Variants in DTNB observed in about 807,000 individuals in gnomAD.
DTNB encodes the protein dystrobrevin beta.
In DTNB, 63 loss-of-function variants were observed where a neutral mutation model predicts 90.7. That is an observed-to-expected ratio of 0.69 (90% CI 0.57 to 0.86). The LOEUF (loss-of-function observed/expected upper bound fraction) is 0.86, where lower values mean the gene tolerates loss of function less well. Ranked by LOEUF, DTNB falls within the 40% of genes least tolerant of loss-of-function variation. The pLI, the probability that DTNB is intolerant of heterozygous loss-of-function variation, is 0.00. For synonymous variants in DTNB, 277 were observed against 286.7 expected, an observed-to-expected ratio of 0.97 and a Z score of 0.34; for missense variants, 744 against 807.1, an observed-to-expected ratio of 0.92 and a Z score of 0.95.
intron 9 of DTNB, among the ~76,000 whole-genome samples, chr2:25,514,720 G>C (rs2074704575): frequency 9.2e-6 from 1 of 109,026 alleles, no homozygotes; most frequent in Admixed American, 1.3e-4. Context: ...ACAGAGTCTT[G>C]CTCTGTCACC....
At chr2:25,619,796 CTT>C (rs1393202767) in intron 4 of DTNB, among the ~76,000 whole-genome samples, 1 of 152,158 alleles carries the variant, frequency 6.6e-6, no homozygotes, top group Non-Finnish European at 1.5e-5. Flanking sequence ...AATCCTAGCA[CTT>C]TGAGAGGCCG....
chr2:25,419,831 C>T (rs1317574656), intron 15 of DTNB, among the ~76,000 whole-genome samples: 1 of 152,168 alleles, frequency 6.6e-6, no homozygotes, highest in East Asian at 1.9e-4. Context: ...GCCTAGAGGG[C>T]CTGACCTGCC....
At position 25,616,388 on chromosome 2, in the gene DTNB, TACA is replaced by T. The variant is rs202131977; in HGVS notation, c.363-9070_363-9068del. On this transcript the variant is annotated intron_variant, in intron 4 of 20. Transcript: ENST00000406818. ...AATGTTTTTAGAAACACTAATATTT[TACA>T]ACACTTTGCATCCTTATTCAAAATA... Among the ~76,000 whole-genome samples the T allele has an allele frequency of 6.8e-3, 1,037 of 152,296 alleles. 5 individuals are homozygous for T. Among genetic ancestry groups the T allele is most frequent in the Admixed American group, 0.012 (181 of 15,296 alleles).
At chr2:25,672,120 C>G (rs2086068194) in intron 1 of DTNB, among the ~76,000 whole-genome samples, 1 of 143,744 alleles carries the variant, frequency 7.0e-6, no homozygotes. Flanking sequence ...AAAGTGGTAG[C>G]ATGGCCACAG....
intron 12 of DTNB, among the ~76,000 whole-genome samples, chr2:25,446,589 A>T (rs1417800648): frequency 6.6e-6 from 1 of 151,930 alleles, no homozygotes; most frequent in Non-Finnish European, 1.5e-5. Context: ...TTCCTTTATA[A>T]ATTGTTGTAT....
At chr2:25,536,678 C>T (rs1468187489) in intron 8 of DTNB, among the ~76,000 whole-genome samples, 1 of 152,120 alleles carries the variant, frequency 6.6e-6, no homozygotes, top group South Asian at 2.1e-4. Flanking sequence ...GTCCAGGCTC[C>T]GCAAGAGAGG....
At chr2:25,380,969 A>T (rs540839697) in intron 19 of DTNB, among the ~76,000 whole-genome samples, 40 of 152,378 alleles carry the variant, frequency 2.6e-4, no homozygotes, top group African/African-American at 8.2e-4. Context: ...GCCCACACTC[A>T]GACTCGAACC....
intron 4 of DTNB, among the ~76,000 whole-genome samples, chr2:25,621,034 A>G (rs1409076434): frequency 6.6e-6 from 1 of 152,132 alleles, no homozygotes; most frequent in Non-Finnish European, 1.5e-5. Context: ...CTCTTAAAAA[A>G]AAGAAAATTT....
intron 8 of DTNB, among the ~76,000 whole-genome samples, chr2:25,539,027 T>G (rs1326978186): frequency 6.6e-6 from 1 of 152,224 alleles, no homozygotes; most frequent in Non-Finnish European, 1.5e-5. Context: ...GCGACTTGCT[T>G]CTTTCACTCA....
intron 9 of DTNB, among the ~76,000 whole-genome samples, chr2:25,496,242 A>AT (rs1205878358): frequency 6.6e-6 from 1 of 152,302 alleles, no homozygotes; most frequent in Non-Finnish European, 1.5e-5. Context: ...ACAGAAATGT[A>AT]TTTTTTTATT....
chr2:25,608,400 T>A (rs1216258779), intron 4 of DTNB, among the ~76,000 whole-genome samples: 1 of 152,210 alleles, frequency 6.6e-6, no homozygotes, highest in African/African-American at 2.4e-5. Flanking sequence ...TCAATATTTG[T>A]TACAGTTGAG....
At chr2:25,403,255 A>C (rs935710004) in intron 16 of DTNB, among the ~76,000 whole-genome samples, 2 of 152,138 alleles carry the variant, frequency 1.3e-5, no homozygotes, top group Non-Finnish European at 2.9e-5. Flanking sequence ...AGCTGGGATT[A>C]CGGGCGCCCG....
intron 8 of DTNB, among the ~76,000 whole-genome samples, chr2:25,539,821 T>G (rs982373591): frequency 3.3e-5 from 5 of 152,134 alleles, no homozygotes; most frequent in African/African-American, 1.2e-4. Flanking sequence ...ACTTCCAAAT[T>G]ACCGTCTAAA....
chr2:25,632,556 G>A (rs1050431402), intron 3 of DTNB, among the ~76,000 whole-genome samples: 1 of 152,132 alleles, frequency 6.6e-6, no homozygotes, highest in Non-Finnish European at 1.5e-5. Context: ...ACTAATTAAT[G>A]AGTTATCATG....
At chr2:25,575,573 A>C (rs1291672735) in intron 8 of DTNB, among the ~76,000 whole-genome samples, 1 of 152,202 alleles carries the variant, frequency 6.6e-6, no homozygotes, top group Non-Finnish European at 1.5e-5. Flanking sequence ...ACTAGAGTTA[A>C]GTGTAGATGT....
intron 9 of DTNB, among the ~76,000 whole-genome samples, chr2:25,503,933 AAAAC>A (rs2071535360): frequency 6.6e-6 from 1 of 151,728 alleles, no homozygotes; most frequent in Non-Finnish European, 1.5e-5. Context: ...AAGAAAAAAA[AAAAC>A]AGTTTTATTT....
At chr2:25,470,259 C>T (rs1327924025) in intron 10 of DTNB, among the ~76,000 whole-genome samples, 2 of 152,074 alleles carry the variant, frequency 1.3e-5, no homozygotes, top group African/African-American at 4.8e-5. Context: ...AGTGAAAACC[C>T]GAACACCCAG....
chr2:25,399,054 G>A (rs1404992913), intron 16 of DTNB, among the ~76,000 whole-genome samples: 1 of 152,142 alleles, frequency 6.6e-6, no homozygotes, highest in African/African-American at 2.4e-5. Flanking sequence ...AGTCGTCAGT[G>A]AATCTTTTCT....
chr2:25,479,331 T>G (rs368182236), intron 10 of DTNB, among the ~76,000 whole-genome samples: 147 of 152,258 alleles, frequency 9.7e-4, no homozygotes, highest in African/African-American at 3.3e-3. Context: ...ACAATTCACA[T>G]TCTGAACCTT....
Sources: allele counts gnomAD v4.1 joint callset (sites outside exome capture counted in the v4.1 genomes callset), GRCh38; gene constraint gnomAD v4.1.1; transcripts MANE v1.5; gene names NCBI Gene and HGNC (gene_info 2026-07-23, HGNC 2026-07-21).